The following CBARP variants were observed in gnomAD, a reference collection of about 807,000 sequenced individuals.
CBARP encodes CACN subunit beta associated regulatory protein.
In CBARP, 24 loss-of-function variants were observed where a neutral mutation model predicts 36.3. The ratio of observed to expected loss-of-function variants is 0.66; its 90% CI spans 0.48 to 0.93. The LOEUF is 0.93. CBARP is among the 40% of genes least tolerant of loss of function. CBARP has a pLI of 0.00. For synonymous variants in CBARP, 586 were observed against 453.2 expected (o/e 1.29, Z -3.72); for missense variants, 1,146 against 980.4 (o/e 1.17, Z -2.26).
chr19:1,230,177 A>AGCCCCGC, intron 9 of CBARP, 35 bp from the exon 10 acceptor site: 1 of 997,040 alleles, frequency 1.0e-6, no homozygotes, highest in Non-Finnish European at 1.2e-6. Context: ...AGCCCCGCCG[A>AGCCCCGC]GCCCCGCGCC....
At position 1,229,740 on chromosome 19, in the gene CBARP, T is replaced by A. The variant is rs1366381220; in HGVS notation, c.1557A>T (p.Pro519=). The stretch of plus-strand genomic sequence containing the variant: ...TGCGGGGCCGGGCGGGCGCGGCAGG[T>A]GGCTCGGTGTCGTCGCCTGCGCCGC... ...EGRGAGDDTE[P]PAAPARPRSP... is the part of the protein sequence containing the mutation. Residue 519 remains proline, a synonymous_variant, in exon 10 of 10, where the codon CCA becomes CCT. Transcript: ENST00000650044. This position sits in a 1 kb window ranked among gnomAD's most constrained non-coding sequence, Gnocchi z 5.1. 4 of 987,040 alleles carry A rather than the reference T, an allele frequency of 4.1e-6. No individual in the cohort carries two copies. In the East Asian group the frequency reaches 4.8e-4, roughly 117 times the overall value. 61.1% of individuals were successfully genotyped at this position (987,040 alleles called of 1,614,324 possible).
Position 1,230,095 on chromosome 19 carries a change from G to A in CBARP, c.1202C>T (p.Pro401Leu), listed in dbSNP as rs764636287. Residue 401 changes from proline to leucine, a missense_variant, in exon 10 of 10, where the codon CCG (proline) becomes CTG (leucine). By Grantham distance (98) the Pro-to-Leu change is moderately conservative. Coordinates refer to ENST00000650044, the MANE Select transcript of CBARP (RefSeq NM_001393918.1). ...CCCCGCGCTGCCCGCGCCGCGCTCCGGGGGGGAATCGGGGCTCGCTCCTCC... is the reference window on the plus strand; with the variant it reads ...CCCCGCGCTGCCCGCGCCGCGCTCCAGGGGGGAATCGGGGCTCGCTCCTCC... ...AAGGASPDSP[P>L]ERGAGSAGPE... 6.5e-6 allele frequency: 7 copies of A among 1,080,458 alleles called. No homozygotes were observed. The South Asian group carries it at 1.5e-4, about 23-fold the overall frequency. 66.9% of individuals were successfully genotyped at this position (1,080,458 alleles called of 1,614,324 possible).
chr19:1,231,758 G>A (rs1037689476), intron 8 of CBARP, among the ~76,000 whole-genome samples: 3 of 151,752 alleles, frequency 2.0e-5, no homozygotes, highest in South Asian at 2.1e-4. Flanking sequence ...AGGTGGGTGC[G>A]GACAGTGGCT....
chr19:1,232,566 C>G (rs2080908066), intron 8 of CBARP, among the ~76,000 whole-genome samples: 1 of 152,160 alleles, frequency 6.6e-6, no homozygotes, highest in African/African-American at 2.4e-5. Flanking sequence ...AGATGGGACA[C>G]CTCTGCTCCC....
chr19:1,236,162 TCTC>T lies in CBARP; in HGVS notation c.-21-44_-21-42del, dbSNP rs141595779. On this transcript the variant is annotated intron_variant, in intron 1 of 9. Coordinates refer to ENST00000650044, the MANE Select transcript of CBARP (RefSeq NM_001393918.1). ...CTGGTCAGCTCCAGCTAGACCTACTTCTCCTGCAGGAGCCACTGCAGACAAGCT... is the reference window on the plus strand; with the variant it reads ...CTGGTCAGCTCCAGCTAGACCTACTTCTGCAGGAGCCACTGCAGACAAGCT... 4,995 of 1,368,486 alleles carry T rather than the reference TCTC, an allele frequency of 3.7e-3. 156 individuals carry two copies. In the African/African-American group the frequency reaches 0.068, roughly 19 times the overall value. The allele number at this position is 1,368,486 out of a possible 1,614,324, so 84.8% of individuals were successfully genotyped here. A position where few individuals can be genotyped will look rare whatever the true frequency, so the allele number is the denominator to read the frequency against.
rs2080992541 is a variant in CBARP at position 1,237,549 on chromosome 19, C to T, written c.-22+207G>A. 3.9e-5 allele frequency among the ~76,000 whole-genome samples: 6 copies of T among 152,166 alleles called. 1 individual carries two copies. The South Asian group carries it at 1.2e-3, about 32-fold the overall frequency. ...CCGAGACGCCATCGTCCTCGCCCGACCTCACAGGGAGAAACTGAGGCTGGG... is the reference window on the plus strand; with the variant it reads ...CCGAGACGCCATCGTCCTCGCCCGATCTCACAGGGAGAAACTGAGGCTGGG... On this transcript the variant is annotated intron_variant, in intron 1 of 9. Transcript: ENST00000650044.
Position 1,229,346 on chromosome 19 carries a change from C to T in CBARP, c.1951G>A (p.Gly651Arg). The stretch of plus-strand genomic sequence containing the variant: ...ACGCACAGGCCCGAGCCGGGGCACC[C>T]CCCGCCGCCCGGCTCCTCCTCGATG... ...PVIEEEPGGG[G>R]CPGSGLCVLP... The change falls in exon 10 of 10, where the codon GGG becomes AGG. Residue 651 changes from glycine (G) to arginine (R), a missense_variant. By Grantham distance (125) the Gly-to-Arg change is moderately radical (BLOSUM62 -2). Coordinates refer to ENST00000650044, the MANE Select transcript of CBARP (RefSeq NM_001393918.1). This position sits in a 1 kb window ranked among gnomAD's most constrained non-coding sequence, Gnocchi z 5.1. The T allele has an allele frequency of 8.3e-7, 1 of 1,202,470 alleles. No homozygotes were observed. 74.5% of individuals were successfully genotyped at this position (1,202,470 alleles called of 1,614,324 possible).
intron 1 of CBARP, among the ~76,000 whole-genome samples, chr19:1,236,508 C>T (rs1229994542): frequency 6.6e-6 from 1 of 152,004 alleles, no homozygotes. Flanking sequence ...AGAAGGACTC[C>T]AGACGCCCTG....
chr19:1,238,350 G>C (rs2081004729), upstream of CBARP: 1 of 152,532 alleles, frequency 6.6e-6, no homozygotes, highest in Admixed American at 6.5e-5. Flanking sequence ...TCCCCTTTAA[G>C]CTGCACAGCC....
intron 8 of CBARP, among the ~76,000 whole-genome samples, 183 bp from the exon 9 acceptor site, chr19:1,231,458 G>GC (rs1273842998): frequency 1.3e-4 from 12 of 90,058 alleles, no homozygotes; most frequent in East Asian, 7.3e-4. Context: ...CAACGCCTGG[G>GC]CCCCCCCCAC....
chr19:1,233,542 A>G lies in CBARP; in HGVS notation c.863T>C (p.Leu288Pro), dbSNP rs1190370937. 1.2e-6 allele frequency: 2 copies of G among 1,604,550 alleles called. No homozygotes were observed. Among genetic ancestry groups the G allele is most frequent in the Non-Finnish European group, 1.7e-6 (2 of 1,176,188 alleles). The change falls in exon 8 of 10, where the codon CTG becomes CCG. Residue 288 changes from leucine (L) to proline (P), a missense_variant. Leu to Pro is a moderately conservative substitution (Grantham distance 98). Transcript: ENST00000650044. ...GCGGCGCAGGCGGGTGAGGAACTGCAGAACGGTACCTGCCCCGGATCCCGG... is the reference window on the plus strand; with the variant it reads ...GCGGCGCAGGCGGGTGAGGAACTGCGGAACGGTACCTGCCCCGGATCCCGG... ...AGPGSGAGTV[L>P]QFLTRLRRHA...
chr19:1,230,891 C>T, intron 9 of CBARP: 1 of 1,556,246 alleles, frequency 6.4e-7, no homozygotes, highest in Non-Finnish European at 8.7e-7. Flanking sequence ...ACCGCCCTAC[C>T]CTTACCCAGT....
In CBARP at chr19:1,229,490, C is replaced by T. The variant is rs2080861641; in HGVS notation, c.1807G>A (p.Ala603Thr). The change falls in exon 10 of 10, where the codon GCA (alanine) becomes ACA (threonine). Residue 603 changes from alanine to threonine, a missense_variant. Ala to Thr is a moderately conservative substitution (Grantham distance 58). Transcript: ENST00000650044. This position sits in a 1 kb window ranked among gnomAD's most constrained non-coding sequence, Gnocchi z 5.1. ...RAAPALAGTP[A>T]PPAGAARPAR... Reference sequence around the variant, plus strand: ...GGTCGGGCCGCGCCGGCAGGCGGTGCCGGGGTTCCGGCCAGGGCCGGGGCC... The same window carrying T: ...GGTCGGGCCGCGCCGGCAGGCGGTGTCGGGGTTCCGGCCAGGGCCGGGGCC... 1.0e-6 allele frequency: 1 copy of T among 979,052 alleles called. No individual in the cohort carries two copies. Among genetic ancestry groups the T allele is most frequent in the Non-Finnish European group, 1.2e-6 (1 of 827,674 alleles). The allele number at this position is 979,052 out of a possible 1,614,324, so 60.6% of individuals were successfully genotyped here.
chr19:1,236,295 C>G (rs1319761226), intron 1 of CBARP, among the ~76,000 whole-genome samples, 174 bp from the exon 2 acceptor site: 1 of 152,200 alleles, frequency 6.6e-6, no homozygotes, highest in Non-Finnish European at 1.5e-5. Context: ...CCCAGCGGGC[C>G]CCGGGGGCTC....
chr19:1,234,619 G>C lies in CBARP; in HGVS notation c.579C>G (p.Thr193=). The C allele has an allele frequency of 6.2e-7, 1 of 1,609,712 alleles. No individual in the cohort carries two copies. The highest frequency in any genetic ancestry group is 1.3e-5 in the African/African-American group (1 of 75,042). ...TGGGAGAGGTGGCCGGGTGGGGCGT[G>C]GTGGCTGAGCTGGCCTCGCCTGAGT... ...ECDSGEASSA[T]TPHPATSPKA... Residue 193 remains threonine, a synonymous_variant, in exon 6 of 10, where the codon ACC becomes ACG. Transcript: ENST00000650044.
rs2080858332 is a variant in CBARP at position 1,229,295 on chromosome 19, T to C, written c.2002A>G (p.Lys668Glu). 7.9e-7 allele frequency: 1 copy of C among 1,258,244 alleles called. No homozygotes were observed. Among genetic ancestry groups the C allele is most frequent in the African/African-American group, 1.6e-5 (1 of 61,916 alleles). 77.9% of individuals were successfully genotyped at this position (1,258,244 alleles called of 1,614,324 possible). ...CVLPSGSVLD[K>E]LAAGLDERLF... is the part of the protein sequence containing the mutation. Reference sequence around the variant, plus strand: ...CTCTCGTCGAGGCCAGCCGCCAGCTTGTCCAGCACCGACCCGGATGGTAGG... The same window carrying C: ...CTCTCGTCGAGGCCAGCCGCCAGCTCGTCCAGCACCGACCCGGATGGTAGG... Residue 668 changes from lysine to glutamate, a missense_variant, in exon 10 of 10, where the codon AAG becomes GAG. Physicochemically the swap from Lys to Glu is moderately conservative, Grantham distance 56 (BLOSUM62 1). Transcript: ENST00000650044. This position sits in a 1 kb window ranked among gnomAD's most constrained non-coding sequence, Gnocchi z 5.1.
chr19:1,229,308 C>T lies in CBARP; in HGVS notation c.1989G>A (p.Gly663=), dbSNP rs2080858488. ...CAGCCGCCAGCTTGTCCAGCACCGACCCGGATGGTAGGACGCACAGGCCCG... is the reference window on the plus strand; with the variant it reads ...CAGCCGCCAGCTTGTCCAGCACCGATCCGGATGGTAGGACGCACAGGCCCG... ...PGSGLCVLPS[G]SVLDKLAAGL... The change falls in exon 10 of 10, where the codon GGG becomes GGA. Residue 663 remains glycine, a synonymous_variant. Coordinates refer to ENST00000650044, the MANE Select transcript of CBARP (RefSeq NM_001393918.1). The surrounding 1 kb of genome is among the most constrained non-coding windows in gnomAD (Gnocchi z 5.1). The T allele has an allele frequency of 8.0e-7, 1 of 1,254,604 alleles. No individual in the cohort carries two copies. The highest frequency in any genetic ancestry group is 1.0e-6 in the Non-Finnish European group (1 of 975,944). The allele number at this position is 1,254,604 out of a possible 1,614,324, so 77.7% of individuals were successfully genotyped here.
At position 1,236,092 on chromosome 19, in the gene CBARP, G is replaced by C; in HGVS notation, c.9C>G (p.Pro3=). ...TGGCGGCTGTGGCCATGGTGGCTGT[G>C]GGCTGCATTCTGAACTGGGGAGGAG... The part of the protein sequence containing the change: MQ[P]TATMATAATT... Residue 3 remains proline, a synonymous_variant, in exon 2 of 10, where the codon CCC becomes CCG. Transcript: ENST00000650044. 2 of 1,477,894 alleles carry C rather than the reference G, an allele frequency of 1.4e-6. No homozygotes were observed. Among genetic ancestry groups the C allele is most frequent in the South Asian group, 2.8e-5 (2 of 72,616 alleles). The allele number at this position is 1,477,894 out of a possible 1,614,324, so 91.5% of individuals were successfully genotyped here.
intron 3 of CBARP, 83 bp from the exon 4 acceptor site, chr19:1,235,648 C>T (rs2080958969): frequency 3.8e-6 from 6 of 1,584,018 alleles, no homozygotes; most frequent in Middle Eastern, 3.4e-4. Flanking sequence ...CCAAGCCAAG[C>T]CCTGCGCATC....
Sources: allele counts gnomAD v4.1 joint callset (sites outside exome capture counted in the v4.1 genomes callset), GRCh38; gene constraint gnomAD v4.1.1; non-coding constraint Gnocchi (gnomAD v3.1); transcripts MANE v1.5; gene names NCBI Gene and HGNC (gene_info 2026-07-23, HGNC 2026-07-21).